The following ABCB1 variants were observed in gnomAD, a reference collection of about 807,000 sequenced individuals.
ABCB1 encodes ATP binding cassette subfamily B member 1, also known as ATP-dependent translocase ABCB1.
In ABCB1, 69 loss-of-function variants were observed where a neutral mutation model predicts 142.0. That is an observed-to-expected ratio of 0.49 (90% CI 0.40 to 0.59). The LOEUF (loss-of-function observed/expected upper bound fraction) is 0.59. Among genes scored for constraint, ABCB1 ranks in the 20% least tolerant of loss-of-function variants. The pLI is 0.00. For missense variants in ABCB1, 1,326 were observed against 1,554.7 expected (o/e 0.85, Z 2.47); for synonymous variants, 532 against 539.2 (o/e 0.99, Z 0.18).
At chr7:87,679,898 C>T (rs907346648) in intron 1 of ABCB1, among the ~76,000 whole-genome samples, 1 of 150,564 alleles carries the variant, frequency 6.6e-6, no homozygotes, top group Non-Finnish European at 1.5e-5. Flanking sequence ...TGAAAAATCA[C>T]CAAATGTTTG....
chr7:87,622,731 G>GA (rs996579733), intron 1 of ABCB1, among the ~76,000 whole-genome samples: 1 of 152,182 alleles, frequency 6.6e-6, no homozygotes, highest in African/African-American at 2.4e-5. Context: ...AAACATGTTA[G>GA]AAAAAACAAT....
intron 26 of ABCB1, 24 bp from the exon 27 acceptor site, chr7:87,506,067 T>C (rs200482113): frequency 6.2e-7 from 1 of 1,611,280 alleles, no homozygotes; most frequent in Non-Finnish European, 8.5e-7. Flanking sequence ...TTTGTTGTTA[T>C]GAAAGTAGAA....
At chr7:87,652,338 T>C (rs1314720087) in intron 1 of ABCB1, among the ~76,000 whole-genome samples, 2 of 152,072 alleles carry the variant, frequency 1.3e-5, no homozygotes, top group African/African-American at 2.4e-5. Flanking sequence ...CTCACTACTA[T>C]GTAAGTGGAT....
intron 1 of ABCB1, among the ~76,000 whole-genome samples, chr7:87,633,155 A>G (rs1821396504): frequency 6.6e-6 from 1 of 152,228 alleles, no homozygotes; most frequent in African/African-American, 2.4e-5. Flanking sequence ...ATTTTTATAC[A>G]TAACTAATAT....
intron 1 of ABCB1, among the ~76,000 whole-genome samples, chr7:87,657,528 G>A (rs2130425283): frequency 6.6e-6 from 1 of 152,296 alleles, no homozygotes; most frequent in South Asian, 2.1e-4. Flanking sequence ...GAGAAGGCCA[G>A]AGAGATAAGA....
intron 1 of ABCB1, among the ~76,000 whole-genome samples, chr7:87,679,367 A>C (rs1826696994): frequency 6.7e-6 from 1 of 149,740 alleles, no homozygotes; most frequent in Admixed American, 6.7e-5. Flanking sequence ...TGCTGGGATT[A>C]CAAGTGTGAG....
intron 1 of ABCB1, among the ~76,000 whole-genome samples, chr7:87,681,949 A>G (rs749063704): frequency 6.6e-6 from 1 of 152,244 alleles, no homozygotes; most frequent in African/African-American, 2.4e-5. Context: ...TACCCACAGT[A>G]GAACTTCTTT....
intron 1 of ABCB1, among the ~76,000 whole-genome samples, chr7:87,675,862 G>C (rs2130554001): frequency 6.6e-6 from 1 of 152,136 alleles, no homozygotes; most frequent in East Asian, 1.9e-4. Context: ...AGATATTTTT[G>C]GACTTAACAC....
intron 4 of ABCB1, among the ~76,000 whole-genome samples, chr7:87,570,698 C>T (rs1818012015): frequency 6.6e-6 from 1 of 152,128 alleles, no homozygotes; most frequent in Admixed American, 6.5e-5. Context: ...CCAATATTAG[C>T]AAATGCTAAC....
intron 1 of ABCB1, among the ~76,000 whole-genome samples, chr7:87,689,270 T>G (rs1827784008): frequency 6.6e-6 from 1 of 152,106 alleles, no homozygotes; most frequent in East Asian, 1.9e-4. Flanking sequence ...ATTGATGATC[T>G]CTGATGGTAA....
intron 1 of ABCB1, among the ~76,000 whole-genome samples, chr7:87,655,162 T>C (rs1308481421): frequency 6.6e-6 from 1 of 152,072 alleles, no homozygotes; most frequent in Non-Finnish European, 1.5e-5. Context: ...TAGTCTTCTA[T>C]GTGATTAAAT....
chr7:87,634,492 G>T (rs542316590), intron 1 of ABCB1, among the ~76,000 whole-genome samples: 116 of 126,450 alleles, frequency 9.2e-4, no homozygotes, highest in Middle Eastern at 3.8e-3. Context: ...GGTGGTGGGG[G>T]GTGGGGGGGG....
chr7:87,531,440 T>C lies in ABCB1; in HGVS notation c.2539A>G (p.Ile847Val), dbSNP rs1432480917. Residue 847 changes from isoleucine (I) to valine (V), a missense_variant, in exon 21 of 28, where the codon ATA becomes GTA. Coordinates refer to ENST00000622132, the MANE Select transcript of ABCB1 (RefSeq NM_001348946.2). ...CAACCATAGATGAAGGATATAATTA[T>C]TCCTGTCCCAAGATTTGCTATATTC... Reference protein sequence around the residue: ...TQNIANLGTGIIISFIYGWQL... With the variant: ...TQNIANLGTGVIISFIYGWQL... 1.2e-6 allele frequency: 2 copies of C among 1,613,416 alleles called. No individual in the cohort carries two copies. The highest frequency in any genetic ancestry group is 1.7e-5 in the Admixed American group (1 of 59,946).
chr7:87,563,513 T>G, intron 7 of ABCB1: 1 of 289,742 alleles, frequency 3.5e-6, no homozygotes. Flanking sequence ...GCTCAACAGA[T>G]GTAAATCAAT....
chr7:87,664,388 A>C (rs566796030), intron 1 of ABCB1, among the ~76,000 whole-genome samples: 79 of 152,260 alleles, frequency 5.2e-4, no homozygotes, highest in African/African-American at 1.9e-3. Flanking sequence ...CTTTACTTAC[A>C]AGGAAGCAGG....
At chr7:87,549,112 T>C (rs1816934414) in intron 14 of ABCB1, among the ~76,000 whole-genome samples, 1 of 152,114 alleles carries the variant, frequency 6.6e-6, no homozygotes, top group South Asian at 2.1e-4. Context: ...TGTCTTCAAA[T>C]GAAAATGTAT....
chr7:87,509,479 C>A lies in ABCB1; in HGVS notation c.3285G>T (p.Leu1095=). Residue 1095 remains leucine (L), a splice_region_variant and synonymous_variant, in exon 26 of 28, where the codon CTG becomes CTT. Coordinates refer to ENST00000622132, the MANE Select transcript of ABCB1 (RefSeq NM_001348946.2). ...RFYDPLAGKV[L]LDGKEIKRLN... is the part of the protein sequence containing the mutation. Reference sequence around the variant, plus strand: ...GTCGCTTTATTTCTTTGCCATCAAGCAGCTGAAAACAAGAGTTCACAGATC... The same window carrying A: ...GTCGCTTTATTTCTTTGCCATCAAGAAGCTGAAAACAAGAGTTCACAGATC... The A allele has an allele frequency of 3.1e-6, 5 of 1,613,996 alleles. No homozygotes were observed. Among genetic ancestry groups the A allele is most frequent in the Non-Finnish European group, 4.2e-6 (5 of 1,180,020 alleles).
chr7:87,692,992 A>G (rs1249689732), intron 1 of ABCB1, among the ~76,000 whole-genome samples: 1 of 152,118 alleles, frequency 6.6e-6, no homozygotes, highest in Non-Finnish European at 1.5e-5. Flanking sequence ...TTCATGTCAC[A>G]TTACTAGCTC....
chr7:87,575,946 T>C (rs1229740362), intron 4 of ABCB1, among the ~76,000 whole-genome samples: 2 of 152,166 alleles, frequency 1.3e-5, no homozygotes, highest in Admixed American at 6.6e-5. Flanking sequence ...GTAGGATTCC[T>C]GGCCCAGGAA....
Sources: gnomAD v4.1 joint callset for allele counts (sites outside exome capture counted in the v4.1 genomes callset) on GRCh38, gnomAD v4.1.1 for gene constraint, MANE v1.5 for transcripts, NCBI Gene and HGNC (gene_info 2026-07-23, HGNC 2026-07-21) for gene names.